The following PRKRA variants were observed in gnomAD, a reference collection of about 807,000 sequenced individuals.
PRKRA encodes the protein interferon-inducible double-stranded RNA-dependent protein kinase activator A.
Under a neutral mutation model 32.4 loss-of-function variants are expected in PRKRA, and 22 were observed. The observed-to-expected ratio is 0.68, with a 90% CI of 0.49 to 0.97. The LOEUF is 0.97. PRKRA is among the 50% of genes least tolerant of loss of function. The pLI is 0.00. For synonymous variants in PRKRA, 139 were observed against 129.8 expected (o/e 1.07, Z -0.48); for missense variants, 319 against 375.6 (o/e 0.85, Z 1.25).
intron 6 of PRKRA, among the ~76,000 whole-genome samples, chr2:178,437,860 A>G (rs944217734): frequency 1.3e-5 from 2 of 152,218 alleles, no homozygotes; most frequent in African/African-American, 4.8e-5. Context: ...TAACTGATGC[A>G]TAAGAGCTTT....
intron 2 of PRKRA, among the ~76,000 whole-genome samples, chr2:178,449,880 C>G (rs1012835216): frequency 2.0e-5 from 3 of 152,218 alleles, no homozygotes; most frequent in African/African-American, 7.2e-5. Context: ...CCGCTATAAT[C>G]TATGAAACTT....
At chr2:178,437,184 T>G (rs1182157775) in intron 6 of PRKRA, among the ~76,000 whole-genome samples, 2 of 152,160 alleles carry the variant, frequency 1.3e-5, no homozygotes, top group African/African-American at 2.4e-5. Flanking sequence ...AAAATTTACA[T>G]TATAGAAACT....
intron 5 of PRKRA, among the ~76,000 whole-genome samples, chr2:178,442,119 A>G (rs1697140666): frequency 6.6e-6 from 1 of 151,988 alleles, no homozygotes; most frequent in South Asian, 2.1e-4. Context: ...TCCTTACCTC[A>G]TATGATCGGC....
chr2:178,446,755 A>T (rs1697324446), intron 3 of PRKRA, among the ~76,000 whole-genome samples: 1 of 152,172 alleles, frequency 6.6e-6, no homozygotes, highest in African/African-American at 2.4e-5. Flanking sequence ...GCACTTTGGG[A>T]GGCCGAGGCT....
At chr2:178,441,971 C>T (rs1697134777) in intron 5 of PRKRA, among the ~76,000 whole-genome samples, 4 of 151,152 alleles carry the variant, frequency 2.6e-5, no homozygotes, top group East Asian at 1.9e-4. Flanking sequence ...CTGCAACCTC[C>T]GCCTCCTGGG....
intron 6 of PRKRA, chr2:178,440,095 A>T (rs1454461820): frequency 6.6e-6 from 1 of 152,184 alleles, no homozygotes; most frequent in Non-Finnish European, 1.5e-5. Context: ...TAGCATTGAA[A>T]ATGATCTCTT....
chr2:178,449,141 C>T (rs1173456592), intron 2 of PRKRA, among the ~76,000 whole-genome samples: 1 of 152,130 alleles, frequency 6.6e-6, no homozygotes, highest in Non-Finnish European at 1.5e-5. Flanking sequence ...GTAGGCAGAA[C>T]GGTTGCCATA....
Position 178,441,611 on chromosome 2 carries a change from A to G in PRKRA, c.608T>C (p.Leu203Ser), listed in dbSNP as rs760359022. Residue 203 changes from leucine (L) to serine (S), a missense_variant and splice_region_variant, in exon 6 of 8, where the codon TTA becomes TCA. By Grantham distance (145) the Leu-to-Ser change is moderately radical (BLOSUM62 -2). Transcript: ENST00000325748. ...SNISPENHIS[L>S]TNVVGHSLGC... ...ATCATAGCTGTCAACATTACTCACT[A>G]AAGAAATGTGGTTCTCTGGAGAAAT... 1 of 1,584,764 alleles carries G rather than the reference A, an allele frequency of 6.3e-7. No homozygotes were observed. The highest frequency in any genetic ancestry group is 1.1e-5 in the South Asian group (1 of 90,348).
rs539279533 is a variant in PRKRA at position 178,445,769 on chromosome 2, C to T, written c.318-1269G>A. 30 of 154,010 alleles carry T rather than the reference C, an allele frequency of 1.9e-4. No individual in the cohort carries two copies. The South Asian group carries it at 4.9e-3, about 25-fold the overall frequency. 9.5% of individuals were successfully genotyped at this position (154,010 alleles called of 1,614,324 possible). On this transcript the variant is annotated intron_variant, in intron 3 of 7. Coordinates refer to ENST00000325748, the MANE Select transcript of PRKRA (RefSeq NM_003690.5). The stretch of plus-strand genomic sequence containing the variant: ...GTTTGGAGACAGAGTCTTGCTCTGT[C>T]GCCCAGGCTGGAGTGCAATGGCGCG...
At chr2:178,443,243 C>T (rs754273273) in intron 5 of PRKRA, 24 bp downstream of exon 5, 10 of 1,526,396 alleles carry the variant, frequency 6.6e-6, no homozygotes, top group African/African-American at 1.4e-5. Flanking sequence ...ATTTCAAATG[C>T]CTTTAATTGT....
intron 5 of PRKRA, among the ~76,000 whole-genome samples, chr2:178,441,948 C>A (rs1053901241): frequency 6.7e-6 from 1 of 148,616 alleles, no homozygotes; most frequent in Admixed American, 6.7e-5. Flanking sequence ...TGCAGTGGCA[C>A]CATCTTGGCT....
chr2:178,447,715 A>G (rs991351784), intron 2 of PRKRA, 129 bp from the exon 3 acceptor site: 4 of 928,414 alleles, frequency 4.3e-6, no homozygotes, highest in African/African-American at 1.7e-5. Flanking sequence ...AAAAATATGT[A>G]CGTTATATAC....
In PRKRA at chr2:178,444,434, A is replaced by G; in HGVS notation, c.384T>C (p.Ile128=). Residue 128 remains isoleucine, a synonymous_variant, in exon 4 of 8, where the codon ATT becomes ATC. Coordinates refer to ENST00000325748, the MANE Select transcript of PRKRA (RefSeq NM_003690.5). ...SKQPKNQLNP[I]GSLQELAIHH... is the part of the protein sequence containing the mutation. Reference sequence around the variant, plus strand: ...CTGTACAACTTACCTGTAATGAACCAATAGGATTAAGCTGGTTCTTTGGTT... The same window carrying G: ...CTGTACAACTTACCTGTAATGAACCGATAGGATTAAGCTGGTTCTTTGGTT... 2 of 1,598,686 alleles carry G rather than the reference A, an allele frequency of 1.3e-6. No homozygotes were observed. The highest frequency in any genetic ancestry group is 1.7e-6 in the Non-Finnish European group (2 of 1,166,234).
intron 6 of PRKRA, chr2:178,439,922 G>A (rs945735247): frequency 1.5e-4 from 23 of 151,644 alleles, no homozygotes; most frequent in African/African-American, 5.6e-4. Context: ...ATATTGTACT[G>A]AACATTTTAC....
At position 178,436,538 on chromosome 2, in the gene PRKRA, T is replaced by C. The variant is rs151206030; in HGVS notation, c.610-219A>G. On this transcript the variant is annotated intron_variant, in intron 6 of 7. Coordinates refer to ENST00000325748, the MANE Select transcript of PRKRA (RefSeq NM_003690.5). Reference sequence around the variant, plus strand: ...TTTTTAAGAAGCACTTGCAATAATATACTGAAAGCATTTTGTATTTTGTAT... The same window carrying C: ...TTTTTAAGAAGCACTTGCAATAATACACTGAAAGCATTTTGTATTTTGTAT... 2.0e-3 allele frequency among the ~76,000 whole-genome samples: 299 copies of C among 152,336 alleles called. 1 individual carries two copies. The highest frequency in any genetic ancestry group is 3.3e-3 in the Non-Finnish European group (223 of 68,014).
chr2:178,438,391 T>C (rs530239629), intron 6 of PRKRA, among the ~76,000 whole-genome samples: 6 of 152,326 alleles, frequency 3.9e-5, no homozygotes, highest in African/African-American at 1.2e-4. Flanking sequence ...TACATCATTA[T>C]TGAATAATCC....
At chr2:178,441,889 T>TTTTC (rs2154125059) in intron 5 of PRKRA, among the ~76,000 whole-genome samples, 185 bp from the exon 6 acceptor site, 1 of 140,680 alleles carries the variant, frequency 7.1e-6, no homozygotes, top group East Asian at 1.9e-4. Context: ...TATTAATTCT[T>TTTTC]TTTTTTTTTT....
intron 3 of PRKRA, 91 bp from the exon 4 acceptor site, chr2:178,444,591 C>T: frequency 3.8e-6 from 3 of 783,074 alleles, no homozygotes; most frequent in Non-Finnish European, 5.7e-6. Context: ...CTCTCTATGT[C>T]TTTGCTCTTG....
At chr2:178,447,385 T>C in intron 3 of PRKRA, 120 bp downstream of exon 3, 1 of 1,517,586 alleles carries the variant, frequency 6.6e-7, no homozygotes, top group Non-Finnish European at 9.0e-7. Flanking sequence ...GGAAATAGAA[T>C]TTGAGAGGTA....
Sources: gnomAD v4.1 joint callset for allele counts (sites outside exome capture counted in the v4.1 genomes callset) on GRCh38, gnomAD v4.1.1 for gene constraint, MANE v1.5 for transcripts, NCBI Gene and HGNC (gene_info 2026-07-23, HGNC 2026-07-21) for gene names.